WWOX: variants seen among roughly 807,000 people sequenced by gnomAD.
The protein encoded by WWOX is WW domain containing oxidoreductase.
WWOX carries 69 observed loss-of-function variants against 46.2 expected under a neutral mutation model. The observed-to-expected ratio is 1.49, with a 90% confidence interval of 1.23 to 1.82. WWOX has a LOEUF of 1.82. Among genes scored for constraint, WWOX ranks in the 40% most tolerant of loss-of-function variants. The pLI is 0.00. For synonymous variants in WWOX, 359 were observed against 202.6 expected, an observed-to-expected ratio of 1.77 and a Z score of -6.56; for missense variants, 919 against 542.6, an observed-to-expected ratio of 1.69 and a Z score of -6.89.
chr16:78,451,443 G>A (rs184807225), intron 8 of WWOX, among the ~76,000 whole-genome samples: 1 of 152,292 alleles, frequency 6.6e-6, no homozygotes, highest in African/African-American at 2.4e-5. Flanking sequence ...GGCTGAGTTT[G>A]GTTGCAGAAG....
chr16:78,700,312 CAGAGAGAGAGAGAGAGAGAGAG>C (rs55638553), intron 8 of WWOX, among the ~76,000 whole-genome samples: 1,747 of 130,558 alleles, frequency 0.013, 31 homozygotes, highest in African/African-American at 0.046. Flanking sequence ...ACTTAGTAGA[CAGAGAGAGAGAGAGAGAGAGAG>C]AGAGAGAGAG....
chr16:78,685,088 C>G (rs995625242), intron 8 of WWOX, among the ~76,000 whole-genome samples: 2 of 152,144 alleles, frequency 1.3e-5, no homozygotes, highest in Admixed American at 6.5e-5. Flanking sequence ...TGAGATCTTG[C>G]TTTTCAGTCT....
intron 5 of WWOX, chr16:78,241,113 C>G (rs1378235140): frequency 6.6e-6 from 1 of 152,246 alleles, no homozygotes; most frequent in East Asian, 1.9e-4. Flanking sequence ...CCTTGGGAGC[C>G]AGCAGTACCC....
At chr16:78,802,944 AACAAACAG>A (rs2050933530) in intron 8 of WWOX, among the ~76,000 whole-genome samples, 1 of 20,606 alleles carries the variant, frequency 4.9e-5, no homozygotes, top group African/African-American at 1.6e-4. Context: ...AAAAAAAAAC[AACAAACAG>A]AAAAATGAAC....
intron 8 of WWOX, among the ~76,000 whole-genome samples, chr16:78,661,244 T>G (rs900542072): frequency 4.6e-5 from 7 of 152,126 alleles, no homozygotes; most frequent in Non-Finnish European, 1.0e-4. Context: ...AGAAATTATC[T>G]CCAGCAGCAG....
intron 8 of WWOX, among the ~76,000 whole-genome samples, chr16:78,730,063 T>G (rs190303224): frequency 1.3e-5 from 2 of 152,198 alleles, no homozygotes; most frequent in African/African-American, 4.8e-5. Context: ...TATCCATTTT[T>G]TAGTTGTGTA....
intron 5 of WWOX, among the ~76,000 whole-genome samples, chr16:78,380,003 A>C (rs2081920424): frequency 6.6e-6 from 1 of 152,210 alleles, no homozygotes; most frequent in Admixed American, 6.5e-5. Context: ...TAATGAGTAC[A>C]TGAATTTAGT....
chr16:78,334,821 CACACACACACAT>C (rs1449079630), intron 5 of WWOX, among the ~76,000 whole-genome samples: 3,977 of 119,872 alleles, frequency 0.033, 70 homozygotes, highest in African/African-American at 0.054. Flanking sequence ...CACACACACA[CACACACACACAT>C]ACACACACAC....
intron 8 of WWOX, among the ~76,000 whole-genome samples, chr16:78,696,733 G>C (rs967617461): frequency 1.3e-5 from 2 of 152,086 alleles, no homozygotes; most frequent in Admixed American, 1.3e-4. Context: ...TTCTTTACTG[G>C]TGATTGGCGA....
chr16:78,398,167 C>G (rs1175095615), intron 6 of WWOX, among the ~76,000 whole-genome samples: 1 of 152,154 alleles, frequency 6.6e-6, no homozygotes, highest in Non-Finnish European at 1.5e-5. Flanking sequence ...AAGTGCAAAC[C>G]CAGCCCTGAC....
At chr16:78,835,932 TAAC>T (rs2051969751) in intron 8 of WWOX, among the ~76,000 whole-genome samples, 3 of 152,212 alleles carry the variant, frequency 2.0e-5, no homozygotes, top group Non-Finnish European at 2.9e-5. Context: ...TATTTGAGAC[TAAC>T]AACAAGGAAA....
At chr16:78,398,918 T>A (rs2082349603) in intron 6 of WWOX, among the ~76,000 whole-genome samples, 2 of 152,202 alleles carry the variant, frequency 1.3e-5, no homozygotes, top group Non-Finnish European at 2.9e-5. Flanking sequence ...ATTATTACAT[T>A]TACTGCCTTC....
chr16:79,156,896 A>G (rs936171634), intron 8 of WWOX, among the ~76,000 whole-genome samples: 3 of 151,650 alleles, frequency 2.0e-5, no homozygotes, highest in African/African-American at 7.3e-5. Context: ...ACTAACAGAA[A>G]AACTTTTCAT....
chr16:79,092,209 T>A (rs1288502132), intron 8 of WWOX, among the ~76,000 whole-genome samples: 2 of 152,196 alleles, frequency 1.3e-5, no homozygotes, highest in Non-Finnish European at 2.9e-5. Flanking sequence ...GGGAGCCATT[T>A]ATGACTAATA....
chr16:78,795,943 G>C (rs2050724796), intron 8 of WWOX, among the ~76,000 whole-genome samples: 1 of 152,146 alleles, frequency 6.6e-6, no homozygotes, highest in African/African-American at 2.4e-5. Context: ...GAAGATAATT[G>C]AGGAAGAAAA....
chr16:78,860,219 A>T (rs2052683795), intron 8 of WWOX, among the ~76,000 whole-genome samples: 1 of 152,210 alleles, frequency 6.6e-6, no homozygotes, highest in African/African-American at 2.4e-5. Flanking sequence ...CTGTGCTATT[A>T]TTTATACTAT....
chr16:78,290,188 T>G (rs2079837381), intron 5 of WWOX, among the ~76,000 whole-genome samples: 1 of 152,158 alleles, frequency 6.6e-6, no homozygotes, highest in East Asian at 1.9e-4. Context: ...GCCTTGGAAT[T>G]GGTCAAACAA....
intron 8 of WWOX, among the ~76,000 whole-genome samples, chr16:78,782,677 T>TA (rs2050359852): frequency 6.6e-6 from 1 of 151,410 alleles, no homozygotes; most frequent in Admixed American, 6.6e-5. Flanking sequence ...TTTTTTTTTT[T>TA]TTTTTTGCAT....
intron 8 of WWOX, among the ~76,000 whole-genome samples, chr16:78,878,777 A>G (rs1027005858): frequency 1.3e-5 from 2 of 152,052 alleles, no homozygotes; most frequent in East Asian, 3.9e-4. Context: ...TTACCAGGCC[A>G]GGCTTATGGC....
Sources: allele counts gnomAD v4.1 joint callset (sites outside exome capture counted in the v4.1 genomes callset), GRCh38; gene constraint gnomAD v4.1.1; transcripts MANE v1.5; gene names NCBI Gene and HGNC (gene_info 2026-07-23, HGNC 2026-07-21).